ROBO1: variants seen among roughly 807,000 people sequenced by gnomAD.
ROBO1 encodes roundabout guidance receptor 1, also known as roundabout homolog 1.
In ROBO1, 149 loss-of-function variants were observed where a neutral mutation model predicts 195.9. The ratio of observed to expected loss-of-function variants is 0.76; its 90% confidence interval spans 0.67 to 0.87. The LOEUF (loss-of-function observed/expected upper bound fraction) is 0.87. Ranked by LOEUF, ROBO1 falls within the 40% of genes least tolerant of loss-of-function variation. ROBO1 has a pLI of 0.00. For synonymous variants in ROBO1, 816 were observed against 733.2 expected (o/e 1.11, Z -1.82); for missense variants, 1,933 against 2,068.3 (o/e 0.93, Z 1.27).
In ROBO1 at chr3:78,639,788, C is replaced by T. The variant is rs1190084904; in HGVS notation, c.2993G>A (p.Gly998Asp). The change falls in exon 22 of 31, where the codon GGC (glycine) becomes GAC (aspartate). Residue 998 changes from glycine (G) to aspartate (D), a missense_variant. Gly to Asp is a moderately conservative substitution (Grantham distance 94). This residue lies in a region of ROBO1 where 1,737 missense variants were observed against 1,882.5 expected (regional missense o/e 0.92). Coordinates refer to ENST00000464233, the MANE Select transcript of ROBO1 (RefSeq NM_002941.4). The part of the protein sequence containing the change: ...NDCSISCCTA[G>D]NGNSDSNLTT... Reference sequence around the variant, plus strand: ...GAGGTTGCTGTCGCTGTTTCCATTGCCTGCCGTGCAGCAGCTGATGGAGCA... The same window carrying T: ...GAGGTTGCTGTCGCTGTTTCCATTGTCTGCCGTGCAGCAGCTGATGGAGCA... The T allele has an allele frequency of 6.2e-7, 1 of 1,613,308 alleles. No homozygotes were observed. The highest frequency in any genetic ancestry group is 8.5e-7 in the Non-Finnish European group (1 of 1,179,500).
intron 2 of ROBO1, among the ~76,000 whole-genome samples, chr3:79,305,894 A>C (rs1289544804): frequency 6.6e-6 from 1 of 152,194 alleles, no homozygotes; most frequent in Non-Finnish European, 1.5e-5. Context: ...TTAAATTTTC[A>C]ACGTAATGTA....
At chr3:78,819,445 CA>C (rs5850394) in intron 4 of ROBO1, among the ~76,000 whole-genome samples, 62 of 123,510 alleles carry the variant, frequency 5.0e-4, no homozygotes, top group African/African-American at 1.5e-3. Context: ...CCATATTCTA[CA>C]AAAAAAAAAA....
chr3:79,612,652 TA>T (rs1338374925), intron 1 of ROBO1, among the ~76,000 whole-genome samples: 3 of 144,694 alleles, frequency 2.1e-5, no homozygotes, highest in Non-Finnish European at 4.6e-5. Context: ...ACCAACAGTG[TA>T]AAAGTGTTCC....
chr3:79,221,589 G>C (rs1283174600), intron 2 of ROBO1, among the ~76,000 whole-genome samples: 1 of 151,944 alleles, frequency 6.6e-6, no homozygotes, highest in African/African-American at 2.4e-5. Context: ...AGTTTTAAAA[G>C]GTATATTTAA....
intron 2 of ROBO1, among the ~76,000 whole-genome samples, chr3:79,570,394 T>C (rs1943240697): frequency 6.6e-6 from 1 of 152,096 alleles, no homozygotes; most frequent in Non-Finnish European, 1.5e-5. Flanking sequence ...CCTAACAAAC[T>C]GGATTACTAG....
chr3:78,896,619 C>T lies in ROBO1; in HGVS notation c.499+41982G>A, dbSNP rs1173034168. On this transcript the variant is annotated intron_variant, in intron 4 of 30. Transcript: ENST00000464233. ...TGCTGACTCTCTTTTCGGACTCAGC[C>T]CGCCTGCACCCAAGTAAAATAAACA... Among the ~76,000 whole-genome samples, 6 of 145,266 alleles carry T rather than the reference C, an allele frequency of 4.1e-5. No individual in the cohort carries two copies. In the East Asian group the frequency reaches 1.2e-3, roughly 29 times the overall value.
At chr3:78,946,568 A>G (rs1444231113) in intron 3 of ROBO1, among the ~76,000 whole-genome samples, 10 of 152,212 alleles carry the variant, frequency 6.6e-5, no homozygotes, top group African/African-American at 2.4e-4. Context: ...CTGCAAAAAC[A>G]TGCCAAATTG....
intron 2 of ROBO1, among the ~76,000 whole-genome samples, chr3:79,372,080 A>G (rs2036215202): frequency 6.6e-6 from 1 of 152,112 alleles, no homozygotes; most frequent in Non-Finnish European, 1.5e-5. Flanking sequence ...GGCAGAGCTC[A>G]GTGGGTAATG....
intron 2 of ROBO1, among the ~76,000 whole-genome samples, chr3:79,426,037 A>AT (rs938580373): frequency 2.6e-5 from 4 of 152,088 alleles, no homozygotes; most frequent in African/African-American, 9.7e-5. Flanking sequence ...ACCTGCTTGC[A>AT]TTTTTTTAGT....
chr3:78,658,273 GA>G (rs150855592), intron 17 of ROBO1, among the ~76,000 whole-genome samples: 1 of 152,138 alleles, frequency 6.6e-6, no homozygotes, highest in Admixed American at 6.6e-5. Flanking sequence ...ATGATCTATA[GA>G]AAAACATGCT....
chr3:78,783,299 T>A (rs986285822), intron 4 of ROBO1, among the ~76,000 whole-genome samples: 1 of 152,280 alleles, frequency 6.6e-6, no homozygotes, highest in East Asian at 1.9e-4. Context: ...AACAATATAT[T>A]TTTTTAAAAA....
rs149812829 is a variant in ROBO1 at position 78,813,679 on chromosome 3, G to A, written c.500-66779C>T. On this transcript the variant is annotated intron_variant, in intron 4 of 30. Transcript: ENST00000464233. ...TAGTTGGTGGATCAGAGACCTCAAC[G>A]CAGGCATTCTGACTCTAGAGTCAAT... 2.9e-3 allele frequency among the ~76,000 whole-genome samples: 437 copies of A among 152,088 alleles called. 2 individuals are homozygous for A. Among genetic ancestry groups the A allele is most frequent in the African/African-American group, 8.7e-3 (360 of 41,520 alleles).
chr3:79,568,273 G>T (rs1460188569), intron 2 of ROBO1, among the ~76,000 whole-genome samples: 4 of 152,074 alleles, frequency 2.6e-5, no homozygotes, highest in African/African-American at 9.7e-5. Context: ...AATCAGCAAA[G>T]TTGAAACCGT....
intron 11 of ROBO1, among the ~76,000 whole-genome samples, chr3:78,669,680 T>C (rs1397007594): frequency 6.6e-6 from 1 of 152,200 alleles, no homozygotes; most frequent in East Asian, 1.9e-4. Context: ...AGTTTTGCCA[T>C]TGCAAAATGC....
At chr3:79,174,835 G>T (rs1242802544) in intron 2 of ROBO1, among the ~76,000 whole-genome samples, 1 of 148,030 alleles carries the variant, frequency 6.8e-6, no homozygotes, top group Middle Eastern at 3.5e-3. Context: ...CAGTCTGGGG[G>T]AGGGAGCAAG....
intron 3 of ROBO1, among the ~76,000 whole-genome samples, chr3:79,033,368 T>C (rs2078329334): frequency 6.6e-6 from 1 of 152,144 alleles, no homozygotes; most frequent in Non-Finnish European, 1.5e-5. Flanking sequence ...AAAGAGTTAT[T>C]TACCAATTAG....
Position 79,380,459 on chromosome 3 carries a change from C to A in ROBO1, c.88+209365G>T, listed in dbSNP as rs184229796. Among the ~76,000 whole-genome samples the A allele has an allele frequency of 3.3e-5, 5 of 152,240 alleles. No individual in the cohort carries two copies. The East Asian group carries it at 9.7e-4, about 29-fold the overall frequency. On this transcript the variant is annotated intron_variant, in intron 2 of 30. Coordinates refer to ENST00000464233, the MANE Select transcript of ROBO1 (RefSeq NM_002941.4). ...AATATTTCACCATTGACTCAAAATT[C>A]TTTGCTATATAATGTCTATCCCTAT...
At chr3:78,731,260 T>C (rs1251570496) in intron 5 of ROBO1, among the ~76,000 whole-genome samples, 2 of 152,112 alleles carry the variant, frequency 1.3e-5, no homozygotes, top group South Asian at 2.1e-4. Context: ...GAGTGTTTTA[T>C]ATGGCTTCTA....
At chr3:79,612,651 G>A (rs1325619092) in intron 1 of ROBO1, among the ~76,000 whole-genome samples, 1 of 145,184 alleles carries the variant, frequency 6.9e-6, no homozygotes, top group Non-Finnish European at 1.5e-5. Flanking sequence ...CACCAACAGT[G>A]TAAAAGTGTT....
Sources: allele counts gnomAD v4.1 joint callset (sites outside exome capture counted in the v4.1 genomes callset), GRCh38; gene constraint gnomAD v4.1.1; regional missense constraint gnomAD v4.1.1; transcripts MANE v1.5; gene names NCBI Gene and HGNC (gene_info 2026-07-23, HGNC 2026-07-21).